Variants in ANO7 observed in about 807,000 individuals in gnomAD.
ANO7 encodes the protein anoctamin-7.
In ANO7, 114 loss-of-function variants were observed where a neutral mutation model predicts 115.8. That is an observed-to-expected ratio of 0.98 (90% CI 0.85 to 1.15). The LOEUF (loss-of-function observed/expected upper bound fraction) is 1.15, where lower values mean the gene tolerates loss of function less well. Among genes scored for constraint, ANO7 ranks in the 50% most tolerant of loss-of-function variants. The pLI is 0.00. For missense variants in ANO7, 1,302 were observed against 1,201.2 expected, an observed-to-expected ratio of 1.08 and a Z score of -1.24; for synonymous variants, 550 against 498.2, an observed-to-expected ratio of 1.10 and a Z score of -1.38.
intron 21 of ANO7, among the ~76,000 whole-genome samples, chr2:241,220,124 GTAT>G (rs1282513635): frequency 3.9e-5 from 6 of 152,230 alleles, no homozygotes; most frequent in African/African-American, 1.4e-4. Context: ...AATTTCTTAT[GTAT>G]TGCCTTCTCC....
rs1332787779 is a variant in ANO7, at chr2:241,205,440, G to A, written c.980+485G>A. On this transcript the variant is annotated intron_variant, in intron 10 of 24. Transcript: ENST00000674324. The stretch of plus-strand genomic sequence containing the variant: ...CTCAGGCTGAAACAGGTAGACAGGT[G>A]TGCTCTCAGGCTGACACAGGTGGAT... Among the ~76,000 whole-genome samples the A allele has an allele frequency of 1.3e-5, 2 of 151,280 alleles. 1 individual carries two copies. The highest frequency in any genetic ancestry group is 3.9e-4 in the East Asian group (2 of 5,084).
Position 241,203,359 on chromosome 2 carries a change from C to T in ANO7, c.750C>T (p.Gly250=). The T allele has an allele frequency of 6.3e-7, 1 of 1,579,684 alleles. No individual in the cohort carries two copies. Residue 250 remains glycine, a synonymous_variant, in exon 9 of 25, where the codon GGC becomes GGT. Coordinates refer to ENST00000674324, the MANE Select transcript of ANO7 (RefSeq NM_001370694.2). The surrounding 1 kb of genome is among the most constrained non-coding windows in gnomAD (Gnocchi z 4.8). ...HDGPFKTPPE[G]PQAPRLNQRQ... ...GCCCCTTCAAGACGCCCCCAGAGGG[C>T]CCGCAGGCTCCACGCCTCAACCAGC...
In ANO7 at chr2:241,216,210, G is replaced by C. The variant is rs780837117; in HGVS notation, c.1944G>C (p.Glu648Asp). 6.2e-7 allele frequency: 1 copy of C among 1,609,176 alleles called. No homozygotes were observed. The highest frequency in any genetic ancestry group is 1.7e-5 in the Admixed American group (1 of 58,694). ...ACGACTATGAGCTTGTGCCCTGTGA[G>C]GGTCTGTTTGACGAGTACCTGGAAA... ...WEDDYELVPC[E>D]GLFDEYLEMV... The change falls in exon 19 of 25, where the codon GAG (glutamate) becomes GAC (aspartate). Residue 648 changes from glutamate (E) to aspartate (D), a missense_variant. Glu to Asp is a conservative substitution (Grantham distance 45). Transcript: ENST00000674324.
At chr2:241,228,758 A>C (rs1241489599), downstream of ANO7, 6 of 152,958 alleles carry the variant, frequency 3.9e-5, no homozygotes, top group Non-Finnish European at 8.8e-5. Context: ...GGTGGTGTGA[A>C]GAAGAGCCCA....
intron 19 of ANO7, 120 bp from the exon 20 acceptor site, chr2:241,217,566 G>A (rs1285431145): frequency 9.4e-6 from 11 of 1,171,454 alleles, no homozygotes; most frequent in Admixed American, 4.2e-5. Flanking sequence ...AGGTGGGGGC[G>A]GAATGAGCCG....
chr2:241,202,185 C>A lies in ANO7; in HGVS notation c.613-9C>A. The A allele has an allele frequency of 1.2e-6, 2 of 1,611,932 alleles. No individual in the cohort carries two copies. Among genetic ancestry groups the A allele is most frequent in the Non-Finnish European group, 1.7e-6 (2 of 1,178,334 alleles). ...AAGTGACCTGCGCCATCCTCCACAT[C>A]CCCTGCAGCTGTTTGAGATCCTGGC... is the stretch of plus-strand genomic sequence containing the variant. On this transcript the variant is annotated splice_polypyrimidine_tract_variant and intron_variant, in intron 7 of 24. Coordinates refer to ENST00000674324, the MANE Select transcript of ANO7 (RefSeq NM_001370694.2).
At chr2:241,238,065 G>T in the ANO7 span, among the ~76,000 whole-genome samples, 2 of 152,340 alleles carry the variant, frequency 1.3e-5, no homozygotes, top group Admixed American at 1.3e-4. This position sits in a 1 kb window ranked among gnomAD's most constrained non-coding sequence, Gnocchi z 4.9. Context: ...ACACAGAGTG[G>T]AGGGCATACC....
intron 21 of ANO7, among the ~76,000 whole-genome samples, chr2:241,222,245 A>AATAAATAT (rs1293501203): frequency 6.8e-6 from 1 of 147,510 alleles, no homozygotes; most frequent in Non-Finnish European, 1.5e-5. Context: ...TAAATAAATA[A>AATAAATAT]ATAAATAAAT....
the ANO7 span, chr2:241,231,058 A>G: frequency 2.3e-6 from 2 of 870,930 alleles, no homozygotes; most frequent in African/African-American, 1.7e-5. Flanking sequence ...ATGGAAAGCA[A>G]CGTCACGGCT....
Position 241,224,128 on chromosome 2 carries a change from C to G in ANO7, c.2615C>G (p.Pro872Arg). ...TCCCACTGGACACCCTTCACGGTTC[C>G]CAAGGCCAGCCAGCTGCAGCAGTGA... ...LSSHWTPFTV[P>R]KASQLQQ Residue 872 changes from proline to arginine, a missense_variant, in exon 25 of 25, where the codon CCC (proline) becomes CGC (arginine). By Grantham distance (103) the Pro-to-Arg change is moderately radical. Coordinates refer to ENST00000674324, the MANE Select transcript of ANO7 (RefSeq NM_001370694.2). 1 of 1,614,082 alleles carries G rather than the reference C, an allele frequency of 6.2e-7. No individual in the cohort carries two copies. Among genetic ancestry groups the G allele is most frequent in the Non-Finnish European group, 8.5e-7 (1 of 1,180,002 alleles).
At position 241,203,991 on chromosome 2, in the gene ANO7, C is replaced by T. The variant is rs1256918921; in HGVS notation, c.889+493C>T. 6.6e-6 allele frequency among the ~76,000 whole-genome samples: 1 copy of T among 152,218 alleles called. No individual in the cohort carries two copies. The highest frequency in any genetic ancestry group is 1.9e-4 in the East Asian group (1 of 5,196). The stretch of plus-strand genomic sequence containing the variant: ...CATCCTGGGTCAGACCCAACCCCTT[C>T]ATTCTGTGCCCCAGAACTTCCAAAG... On this transcript the variant is annotated intron_variant, in intron 9 of 24. Coordinates refer to ENST00000674324, the MANE Select transcript of ANO7 (RefSeq NM_001370694.2). The surrounding 1 kb of genome is among the most constrained non-coding windows in gnomAD (Gnocchi z 4.8).
At position 241,217,900 on chromosome 2, in the gene ANO7, C is replaced by A. The variant is rs750833762; in HGVS notation, c.2178+9C>A. On this transcript the variant is annotated intron_variant, in intron 20 of 24. Transcript: ENST00000674324. ...TGGCGGTCATCAGCAACGTGAGGCC[C>A]GGGCGGGAGCGCGGGGCGGGGCGGG... 1.4e-6 allele frequency: 2 copies of A among 1,474,222 alleles called. No individual in the cohort carries two copies. The highest frequency in any genetic ancestry group is 2.1e-4 in the Middle Eastern group (1 of 4,792). 91.3% of individuals were successfully genotyped at this position (1,474,222 alleles called of 1,614,324 possible).
the ANO7 span, chr2:241,233,773 G>C: frequency 1.2e-6 from 2 of 1,610,792 alleles, no homozygotes; most frequent in South Asian, 2.2e-5. The surrounding 1 kb of genome is among the most constrained non-coding windows in gnomAD (Gnocchi z 4.3). Flanking sequence ...CACAGGAAAG[G>C]TCAACAAGCA....
At chr2:241,218,520 G>A in intron 21 of ANO7, 139 bp downstream of exon 21, 1 of 764,808 alleles carries the variant, frequency 1.3e-6, no homozygotes, top group Non-Finnish European at 1.8e-6. Context: ...GGGGGGAGCT[G>A]GGGGCGCCGT....
In ANO7 at chr2:241,188,686, G is replaced by C. The variant is rs373643017; in HGVS notation, c.-88G>C. ...CCACCCTCTGTCCCGCAGTGAGGAC[G>C]GGACTCTACTGCCGAGACCAGGCTC... On this transcript the variant is annotated 5_prime_UTR_variant, in exon 1 of 25. Transcript: ENST00000674324. This position sits in a 1 kb window ranked among gnomAD's most constrained non-coding sequence, Gnocchi z 4.3. 6.2e-6 allele frequency: 10 copies of C among 1,613,508 alleles called. No individual in the cohort carries two copies. In the Admixed American group the frequency reaches 1.7e-4, roughly 27 times the overall value.
At position 241,209,768 on chromosome 2, in the gene ANO7, A is replaced by G. The variant is rs1353072299; in HGVS notation, c.1359+133A>G. The G allele has an allele frequency of 6.9e-6, 9 of 1,305,962 alleles. No homozygotes were observed. The East Asian group carries it at 2.1e-4, about 30-fold the overall frequency. 80.9% of individuals were successfully genotyped at this position (1,305,962 alleles called of 1,614,324 possible). On this transcript the variant is annotated intron_variant, in intron 13 of 24. Coordinates refer to ENST00000674324, the MANE Select transcript of ANO7 (RefSeq NM_001370694.2). Reference sequence around the variant, plus strand: ...CACAGAACCCTCACTCCCCGCAGAGAGGCCCCCATGTGCCCGGGCTCGGCC... The same window carrying G: ...CACAGAACCCTCACTCCCCGCAGAGGGGCCCCCATGTGCCCGGGCTCGGCC...
intron 1 of ANO7, among the ~76,000 whole-genome samples, chr2:241,189,810 G>A (rs952229076): frequency 3.3e-5 from 5 of 152,228 alleles, no homozygotes; most frequent in South Asian, 2.1e-4. Context: ...TGGACAGACA[G>A]ACGCCTGCTG....
chr2:241,196,064 C>T (rs2068320810), intron 4 of ANO7: 2 of 1,422,628 alleles, frequency 1.4e-6, no homozygotes, highest in Non-Finnish European at 1.8e-6. Flanking sequence ...GCACACTCAG[C>T]TCTCTCATGG....
chr2:241,190,223 G>A, intron 2 of ANO7, 52 bp downstream of exon 2: 2 of 1,478,906 alleles, frequency 1.4e-6, no homozygotes, highest in Non-Finnish European at 1.8e-6. Flanking sequence ...TCCCCTGCCT[G>A]GGTCTATGCC....
Sources: allele counts gnomAD v4.1 joint callset (sites outside exome capture counted in the v4.1 genomes callset), GRCh38; gene constraint gnomAD v4.1.1; non-coding constraint Gnocchi (gnomAD v3.1); transcripts MANE v1.5; gene names NCBI Gene and HGNC (gene_info 2026-07-23, HGNC 2026-07-21).